Variants in ANKFN1 observed in about 807,000 individuals in gnomAD.
The protein encoded by ANKFN1 is ankyrin repeat and fibronectin type III domain containing 1, also known as ankyrin repeat and fibronectin type-III domain-containing protein 1.
A neutral mutation model predicts 108.7 loss-of-function variants in ANKFN1; 74 were observed. That is an observed-to-expected ratio of 0.68 (90% CI 0.56 to 0.83). The LOEUF (loss-of-function observed/expected upper bound fraction) is 0.83, where lower values mean the gene tolerates loss of function less well. Among genes scored for constraint, ANKFN1 ranks in the 40% least tolerant of loss-of-function variants. ANKFN1 has a pLI of 0.00. For synonymous variants in ANKFN1, 547 were observed against 516.2 expected (o/e 1.06, Z -0.81); for missense variants, 1,505 against 1,382.3 (o/e 1.09, Z -1.41).
chr17:56,192,930 C>A (rs1165564858), intron 1 of ANKFN1, among the ~76,000 whole-genome samples: 1 of 139,340 alleles, frequency 7.2e-6, no homozygotes, highest in Non-Finnish European at 1.5e-5. Context: ...ATAAATCATG[C>A]TGCTATAAAG....
intron 3 of ANKFN1, among the ~76,000 whole-genome samples, chr17:56,298,743 A>G (rs571810631): frequency 6.6e-4 from 100 of 152,356 alleles, no homozygotes; most frequent in African/African-American, 2.2e-3. Context: ...TAAGTTTTGC[A>G]TATATTTTCA....
intron 4 of ANKFN1, among the ~76,000 whole-genome samples, chr17:56,350,230 T>C (rs2046210573): frequency 6.6e-6 from 1 of 152,152 alleles, no homozygotes; most frequent in Non-Finnish European, 1.5e-5. Context: ...AAGCCTCAGA[T>C]GGACAGAGGA....
At chr17:56,351,825 G>T (rs929212642) in intron 5 of ANKFN1, among the ~76,000 whole-genome samples, 5 of 152,172 alleles carry the variant, frequency 3.3e-5, no homozygotes, top group Non-Finnish European at 7.4e-5. Context: ...AACATGCTCA[G>T]CAAGGGGATT....
chr17:56,298,779 T>C (rs1289221002), intron 3 of ANKFN1, among the ~76,000 whole-genome samples: 1 of 152,250 alleles, frequency 6.6e-6, no homozygotes, highest in Non-Finnish European at 1.5e-5. Flanking sequence ...TTCTTTGAAT[T>C]TATCTGTTTT....
chr17:56,127,392 C>T (rs965236608), intron 4 of ANKFN1, among the ~76,000 whole-genome samples: 39 of 152,134 alleles, frequency 2.6e-4, no homozygotes, highest in African/African-American at 9.2e-4. Flanking sequence ...CCGCTCACTG[C>T]AACCTCCACC....
At chr17:56,245,355 A>C (rs534305063) in intron 3 of ANKFN1, among the ~76,000 whole-genome samples, 1 of 152,140 alleles carries the variant, frequency 6.6e-6, no homozygotes, top group South Asian at 2.1e-4. Context: ...TTCTAACATC[A>C]TGGCACCTCA....
At chr17:56,479,345 C>T (rs1350724111) in intron 16 of ANKFN1, among the ~76,000 whole-genome samples, 1 of 152,114 alleles carries the variant, frequency 6.6e-6, no homozygotes, top group Non-Finnish European at 1.5e-5. Context: ...CCACGTTGTC[C>T]TTTAGGTTTA....
intron 3 of ANKFN1, among the ~76,000 whole-genome samples, chr17:56,310,700 G>A (rs1226893276): frequency 2.6e-5 from 4 of 151,852 alleles, no homozygotes; most frequent in African/African-American, 9.7e-5. Flanking sequence ...ATTGTGAAAT[G>A]ATTATCACTA....
In ANKFN1 at chr17:56,514,480, G is replaced by C. The variant is rs905366365; in HGVS notation, c.*3211G>C. Among the ~76,000 whole-genome samples, 1 of 152,178 alleles carries C rather than the reference G, an allele frequency of 6.6e-6. No homozygotes were observed. The highest frequency in any genetic ancestry group is 2.4e-5 in the African/African-American group (1 of 41,446). On this transcript the variant is annotated 3_prime_UTR_variant, in exon 21 of 21. Transcript: ENST00000682825. ...CAGACTCCTGAGGGAGTACAACCTG[G>C]AAAATGCAAGTCATGGAAGTATATG...
intron 1 of ANKFN1, among the ~76,000 whole-genome samples, chr17:56,201,477 T>G (rs1327834715): frequency 6.6e-6 from 1 of 152,208 alleles, no homozygotes; most frequent in East Asian, 1.9e-4. Context: ...TTAATGTCTA[T>G]CTTCTTTACA....
chr17:56,424,514 A>G (rs1850587142), intron 8 of ANKFN1, among the ~76,000 whole-genome samples: 1 of 152,226 alleles, frequency 6.6e-6, no homozygotes, highest in African/African-American at 2.4e-5. Flanking sequence ...AGGTGTCACA[A>G]AGTAAAAATG....
chr17:56,107,873 A>T (rs1317670767), intron 4 of ANKFN1, among the ~76,000 whole-genome samples: 4 of 151,982 alleles, frequency 2.6e-5, no homozygotes, highest in Admixed American at 2.6e-4. Context: ...AAATATTTTT[A>T]TTTTTTTGAG....
At chr17:56,185,826 T>C (rs1009732909) in intron 1 of ANKFN1, among the ~76,000 whole-genome samples, 5 of 152,172 alleles carry the variant, frequency 3.3e-5, no homozygotes, top group Non-Finnish European at 7.3e-5. Context: ...TAAAAACTTG[T>C]AGTAAAAGCC....
At chr17:56,222,068 C>T (rs987731782) in intron 2 of ANKFN1, among the ~76,000 whole-genome samples, 17 of 152,204 alleles carry the variant, frequency 1.1e-4, no homozygotes, top group Non-Finnish European at 2.9e-5. Context: ...TCTGTGGACA[C>T]ATTCAAGTAT....
At chr17:56,046,605 G>A (rs1904682409) in intron 4 of ANKFN1, among the ~76,000 whole-genome samples, 1 of 151,982 alleles carries the variant, frequency 6.6e-6, no homozygotes, top group Non-Finnish European at 1.5e-5. Flanking sequence ...AGACATCACT[G>A]TCCAGAGGAG....
chr17:56,504,893 G>A lies in ANKFN1; in HGVS notation c.2645-5580G>A, dbSNP rs1329751844. 4.8e-5 allele frequency among the ~76,000 whole-genome samples: 7 copies of A among 144,330 alleles called. No individual in the cohort carries two copies. In the East Asian group the frequency reaches 1.2e-3, roughly 25 times the overall value. The allele number at this position is 144,330 out of a possible 152,430, so 94.7% of individuals were successfully genotyped here. A position where few individuals can be genotyped will look rare whatever the true frequency, so the allele number is the denominator to read the frequency against. On this transcript the variant is annotated intron_variant, in intron 20 of 20. Coordinates refer to ENST00000682825, the MANE Select transcript of ANKFN1 (RefSeq NM_001370326.1). Reference sequence around the variant, plus strand: ...GCATCAGGTTGGCCAGGCTGGTCTCGAACTCCTGACCTCAAGTGATCCACC... The same window carrying A: ...GCATCAGGTTGGCCAGGCTGGTCTCAAACTCCTGACCTCAAGTGATCCACC...
intron 19 of ANKFN1, among the ~76,000 whole-genome samples, chr17:56,495,789 ATAG>A (rs544599225): frequency 3.1e-4 from 47 of 152,212 alleles, no homozygotes; most frequent in Admixed American, 9.2e-4. Context: ...CTCATTAAAT[ATAG>A]CCAATCTATC....
chr17:56,109,126 G>A (rs1004418800), intron 4 of ANKFN1, among the ~76,000 whole-genome samples: 4 of 152,198 alleles, frequency 2.6e-5, no homozygotes, highest in Non-Finnish European at 4.4e-5. Flanking sequence ...TTTATAAAAT[G>A]AGGATAATCA....
chr17:56,155,140 A>G (rs1364653882), intron 1 of ANKFN1, among the ~76,000 whole-genome samples: 1 of 152,214 alleles, frequency 6.6e-6, no homozygotes, highest in Non-Finnish European at 1.5e-5. Context: ...GAAGTAGAGC[A>G]AAAAGTGGCT....
Sources: allele counts gnomAD v4.1 joint callset (sites outside exome capture counted in the v4.1 genomes callset), GRCh38; gene constraint gnomAD v4.1.1; transcripts MANE v1.5; gene names NCBI Gene and HGNC (gene_info 2026-07-23, HGNC 2026-07-21).